Variants in LOXL4 observed in about 807,000 individuals in gnomAD.
The protein encoded by LOXL4 is lysyl oxidase like 4, also known as lysyl oxidase homolog 4.
In LOXL4, 72 loss-of-function variants were observed where a neutral mutation model predicts 89.1. That is an observed-to-expected ratio of 0.81 (90% CI 0.67 to 0.98). The LOEUF is 0.98. Among genes scored for constraint, LOXL4 ranks in the 50% least tolerant of loss-of-function variants. LOXL4 has a pLI of 0.00. For synonymous variants in LOXL4, 355 were observed against 392.1 expected (o/e 0.91, Z 1.12); for missense variants, 984 against 1,017.5 (o/e 0.97, Z 0.45).
intron 12 of LOXL4, 140 bp downstream of exon 12, chr10:98,252,213 G>A (rs3750598): frequency 0.35 from 229,425 of 661,730 alleles, 40,900 homozygotes; most frequent in East Asian, 0.5. Flanking sequence ...GTAAGAAATT[G>A]CCTTGAATGC....
chr10:98,253,431 G>T, intron 11 of LOXL4, 122 bp downstream of exon 11: 1 of 1,394,904 alleles, frequency 7.2e-7, no homozygotes, highest in Non-Finnish European at 9.9e-7. Context: ...GGCAAGGCCA[G>T]CAAGGAGAGC....
chr10:98,261,096 G>A lies in LOXL4; in HGVS notation c.488C>T (p.Pro163Leu). 6.2e-7 allele frequency: 1 copy of A among 1,613,242 alleles called. No individual in the cohort carries two copies. The highest frequency in any genetic ancestry group is 8.5e-7 in the Non-Finnish European group (1 of 1,180,028). Residue 163 changes from proline to leucine, a missense_variant, in exon 4 of 15, where the codon CCC becomes CTC. Pro to Leu is a moderately conservative substitution (Grantham distance 98, BLOSUM62 -3). Coordinates refer to ENST00000260702, the MANE Select transcript of LOXL4 (RefSeq NM_032211.7). ...ATGCTGCTTGGCACTGGCAAGGATG[G>A]GCTTGAGCCGCACCTCCTCCAGCCG... Reference protein sequence around the residue: ...GRRLEEVRLKPILASAKQHSP... With the variant: ...GRRLEEVRLKLILASAKQHSP...
Position 98,256,965 on chromosome 10 carries a change from G to A in LOXL4, c.1261-18C>T. 5.6e-6 allele frequency: 9 copies of A among 1,611,068 alleles called. No individual in the cohort carries two copies. Among genetic ancestry groups the A allele is most frequent in the Non-Finnish European group, 6.8e-6 (8 of 1,178,260 alleles). On this transcript the variant is annotated intron_variant, in intron 8 of 14. Transcript: ENST00000260702. ...AAGCGCACCTGCAATGGCGAGGGGTGTGTGAGGAGTGGGGTAGCCTTGCAG... is the reference window on the plus strand; with the variant it reads ...AAGCGCACCTGCAATGGCGAGGGGTATGTGAGGAGTGGGGTAGCCTTGCAG...
chr10:98,253,719 A>G lies in LOXL4; in HGVS notation c.1669T>C (p.Tyr557His), dbSNP rs372455342. The G allele has an allele frequency of 2.2e-5, 35 of 1,614,096 alleles. No homozygotes were observed. The highest frequency in any genetic ancestry group is 1.6e-4 in the Middle Eastern group (1 of 6,084). Reference sequence around the variant, plus strand: ...AGGCAGTTCTCCTCGTGGGCACAATACAGCTGGCTGAGCGGGCGGTCCTCC... The same window carrying G: ...AGGCAGTTCTCCTCGTGGGCACAATGCAGCTGGCTGAGCGGGCGGTCCTCC... Reference protein sequence around the residue: ...YLEDRPLSQLYCAHEENCLSK... With the variant: ...YLEDRPLSQLHCAHEENCLSK... The change falls in exon 11 of 15, where the codon TAT (tyrosine) becomes CAT (histidine). Residue 557 changes from tyrosine to histidine, a missense_variant. By Grantham distance (83) the Tyr-to-His change is moderately conservative (BLOSUM62 2). Coordinates refer to ENST00000260702, the MANE Select transcript of LOXL4 (RefSeq NM_032211.7).
chr10:98,257,831 C>T (rs374266684), intron 7 of LOXL4, 27 bp from the exon 8 acceptor site: 20 of 1,599,722 alleles, frequency 1.3e-5, no homozygotes, highest in Middle Eastern at 3.3e-4. Context: ...GTGCTGTGTG[C>T]GAGGCTCCAT....
At chr10:98,252,845 C>T (rs571013607) in intron 11 of LOXL4, among the ~76,000 whole-genome samples, 16 of 152,304 alleles carry the variant, frequency 1.1e-4, no homozygotes, top group African/African-American at 3.8e-4. Flanking sequence ...AAGCCTGGGA[C>T]CAAATTGCTA....
chr10:98,255,433 G>T, intron 10 of LOXL4, 144 bp downstream of exon 10: 2 of 862,782 alleles, frequency 2.3e-6, no homozygotes, highest in Admixed American at 3.0e-5. Context: ...TGGGTGATTT[G>T]GCCACACAGC....
intron 1 of LOXL4, among the ~76,000 whole-genome samples, chr10:98,264,170 G>C (rs1858625760): frequency 6.6e-6 from 1 of 151,408 alleles, no homozygotes; most frequent in African/African-American, 2.4e-5. Context: ...TGGAATACTT[G>C]CTTCAGGCCA....
chr10:98,259,065 C>T lies in LOXL4; in HGVS notation c.865G>A (p.Gly289Arg), dbSNP rs1237747780. ...GTCTTCGGTGGGCGGAAGTGAGGCCCTGCCACACAGCTGACCACAGCGTGC... is the reference window on the plus strand; with the variant it reads ...GTCTTCGGTGGGCGGAAGTGAGGCCTTGCCACACAGCTGACCACAGCGTGC... ...GMHAVVSCVA[G>R]PHFRPPKTKP... is the part of the protein sequence containing the mutation. The change falls in exon 6 of 15, where the codon GGG (glycine) becomes AGG (arginine). Residue 289 changes from glycine to arginine, a missense_variant. Gly to Arg is a moderately radical substitution (Grantham distance 125). Coordinates refer to ENST00000260702, the MANE Select transcript of LOXL4 (RefSeq NM_032211.7). 6.3e-7 allele frequency: 1 copy of T among 1,579,132 alleles called. No homozygotes were observed. The highest frequency in any genetic ancestry group is 1.1e-5 in the South Asian group (1 of 86,998).
intron 13 of LOXL4, 81 bp from the exon 14 acceptor site, chr10:98,251,257 G>A: frequency 1.9e-6 from 2 of 1,080,146 alleles, no homozygotes; most frequent in Non-Finnish European, 2.8e-6. Flanking sequence ...ATCCTTACAT[G>A]TGTTTCTATT....
intron 1 of LOXL4, among the ~76,000 whole-genome samples, chr10:98,266,613 G>A (rs973487600): frequency 1.3e-5 from 2 of 152,100 alleles, no homozygotes; most frequent in Non-Finnish European, 2.9e-5. Context: ...GGACGGCAGC[G>A]GGAACCAAGA....
intron 12 of LOXL4, 73 bp from the exon 13 acceptor site, chr10:98,251,775 G>C: frequency 6.4e-7 from 1 of 1,555,432 alleles, no homozygotes; most frequent in Non-Finnish European, 8.7e-7. Flanking sequence ...TCCTTTACCA[G>C]TTCAGTGTCA....
chr10:98,257,038 CTG>C, intron 8 of LOXL4, 91 bp from the exon 9 acceptor site: 1 of 1,439,388 alleles, frequency 6.9e-7, no homozygotes, highest in Non-Finnish European at 9.4e-7. Flanking sequence ...AGCCAGCTCA[CTG>C]TGTCACCCTA....
intron 8 of LOXL4, 114 bp downstream of exon 8, chr10:98,257,528 CCCAAAGCA>C: frequency 1.6e-6 from 2 of 1,231,702 alleles, no homozygotes; most frequent in Non-Finnish European, 2.2e-6. Flanking sequence ...CAGACTGGTG[CCCAAAGCA>C]GAAGCGCTAG....
rs1403629744 is a variant in LOXL4 at position 98,257,636 on chromosome 10, A to C, written c.1260+14T>G. ...CGGCCCCCAGCCTGAGGCCATGCTC[A>C]GACCCAAACTCACCTGATTCTGAAA... is the stretch of plus-strand genomic sequence containing the variant. On this transcript the variant is annotated intron_variant, in intron 8 of 14. Coordinates refer to ENST00000260702, the MANE Select transcript of LOXL4 (RefSeq NM_032211.7). The C allele has an allele frequency of 6.2e-7, 1 of 1,611,052 alleles. No individual in the cohort carries two copies. The highest frequency in any genetic ancestry group is 8.5e-7 in the Non-Finnish European group (1 of 1,178,628).
chr10:98,259,494 T>C, intron 4 of LOXL4, 65 bp from the exon 5 acceptor site: 1 of 1,395,036 alleles, frequency 7.2e-7, no homozygotes, highest in Non-Finnish European at 1.0e-6. Context: ...TGCCACCTGG[T>C]TCCTCATAGT....
chr10:98,260,861 ACACT>A, intron 4 of LOXL4, 57 bp downstream of exon 4: 2 of 1,516,084 alleles, frequency 1.3e-6, no homozygotes, highest in East Asian at 2.4e-5. Flanking sequence ...ACATGAACAC[ACACT>A]CAGTCCCTGC....
Position 98,247,764 on chromosome 10 carries a change from G to A in LOXL4, c.*1157C>T, listed in dbSNP as rs568826446. The A allele has an allele frequency of 6.6e-6, 1 of 152,318 alleles. No homozygotes were observed. Among genetic ancestry groups the A allele is most frequent in the East Asian group, 1.9e-4 (1 of 5,166 alleles). 9.4% of individuals were successfully genotyped at this position (152,318 alleles called of 1,614,324 possible). A position where few individuals can be genotyped will look rare whatever the true frequency, so the allele number is the denominator to read the frequency against. Reference sequence around the variant, plus strand: ...CCTGTAAGGATCATCACTTAAGTGTGTCTCAGTGGAGAAAAGATCAAGAAT... The same window carrying A: ...CCTGTAAGGATCATCACTTAAGTGTATCTCAGTGGAGAAAAGATCAAGAAT... On this transcript the variant is annotated 3_prime_UTR_variant, in exon 15 of 15. Transcript: ENST00000260702.
chr10:98,251,946 G>A (rs532035827), intron 12 of LOXL4: 7 of 547,060 alleles, frequency 1.3e-5, no homozygotes, highest in East Asian at 1.3e-4. Flanking sequence ...CAACGCTCCC[G>A]TGCTAATTTA....
Sources: gnomAD v4.1 joint callset for allele counts (sites outside exome capture counted in the v4.1 genomes callset) on GRCh38, gnomAD v4.1.1 for gene constraint, MANE v1.5 for transcripts, NCBI Gene and HGNC (gene_info 2026-07-23, HGNC 2026-07-21) for gene names.